The following GRIN2B variants were observed in gnomAD, a reference collection of about 807,000 sequenced individuals.
GRIN2B encodes the protein glutamate ionotropic receptor NMDA type subunit 2B.
GRIN2B carries 5 observed loss-of-function variants against 114.5 expected under a neutral mutation model. That is an observed-to-expected ratio of 0.04 (90% CI 0.02 to 0.09). The LOEUF is 0.09. GRIN2B is among the 10% of genes least tolerant of loss of function. The pLI is 1.00. For synonymous variants in GRIN2B, 787 were observed against 745.1 expected (o/e 1.06, Z -0.92); for missense variants, 1,108 against 1,943.5 (o/e 0.57, Z 8.08).
chr12:13,629,301 G>A (rs1424788231), intron 5 of GRIN2B, among the ~76,000 whole-genome samples: 1 of 152,198 alleles, frequency 6.6e-6, no homozygotes, highest in East Asian at 1.9e-4. Flanking sequence ...CCCAAACTAG[G>A]ATATCCAAGG....
intron 2 of GRIN2B, among the ~76,000 whole-genome samples, chr12:13,937,106 G>GAAAA (rs532435483): frequency 1.4e-5 from 2 of 141,374 alleles, no homozygotes; most frequent in African/African-American, 2.6e-5. Flanking sequence ...AGGGGGGGGG[G>GAAAA]AAGATTGAAG....
At chr12:13,760,736 T>C (rs1242523554) in intron 3 of GRIN2B, among the ~76,000 whole-genome samples, 1 of 152,178 alleles carries the variant, frequency 6.6e-6, no homozygotes, top group Admixed American at 6.5e-5. Context: ...TTCTGAGTAC[T>C]CCATCTTCAC....
chr12:13,794,454 C>T (rs1322433871), intron 3 of GRIN2B, among the ~76,000 whole-genome samples: 1 of 152,202 alleles, frequency 6.6e-6, no homozygotes, highest in Non-Finnish European at 1.5e-5. Flanking sequence ...ATCACCAGAA[C>T]ACACTATCAT....
chr12:13,614,999 A>G, intron 8 of GRIN2B, 115 bp downstream of exon 8: 5 of 911,726 alleles, frequency 5.5e-6, no homozygotes, highest in Non-Finnish European at 9.2e-6. Context: ...GGCTGAGTTG[A>G]GCTCCTAGCA....
intron 2 of GRIN2B, among the ~76,000 whole-genome samples, chr12:13,965,408 C>T (rs1003598079): frequency 1.3e-5 from 2 of 152,202 alleles, no homozygotes; most frequent in African/African-American, 4.8e-5. Flanking sequence ...TGGCCCTGCA[C>T]TGGCCACTTC....
At chr12:13,932,925 T>C (rs980835824) in intron 2 of GRIN2B, among the ~76,000 whole-genome samples, 3 of 151,800 alleles carry the variant, frequency 2.0e-5, no homozygotes, top group Non-Finnish European at 4.4e-5. Flanking sequence ...AATGGTAAAC[T>C]GTTGTTTGCA....
chr12:13,852,262 A>G (rs1423345579), intron 3 of GRIN2B, among the ~76,000 whole-genome samples: 1 of 151,972 alleles, frequency 6.6e-6, no homozygotes, highest in African/African-American at 2.4e-5. Context: ...CAGTGCCACC[A>G]CCCCACTTTG....
chr12:13,870,536 A>C (rs1865888421), intron 2 of GRIN2B, among the ~76,000 whole-genome samples: 2 of 152,174 alleles, frequency 1.3e-5, no homozygotes, highest in African/African-American at 4.8e-5. Flanking sequence ...CTCAAAGGGA[A>C]GATACATCTG....
rs1565444927 is a variant in GRIN2B, at chr12:13,547,983, T to TATATATA, written c.*14799_*14800insTATATAT. On this transcript the variant is annotated 3_prime_UTR_variant, in exon 14 of 14. Transcript: ENST00000609686. Reference sequence around the variant, plus strand: ...TGTATATATATATATATATATATATTTTTTTTTTTTTTCTGAAAGCTACAG... The same window carrying TATATATA: ...TGTATATATATATATATATATATATTATATATATTTTTTTTTTTTCTGAAAGCTACAG... The TATATATA allele has an allele frequency of 7.6e-4, 58 of 76,690 alleles. 1 individual carries two copies. The highest frequency in any genetic ancestry group is 3.5e-3 in the African/African-American group (57 of 16,178). The allele number at this position is 76,690 out of a possible 1,614,324, so 4.8% of individuals were successfully genotyped here. A position where few individuals can be genotyped will look rare whatever the true frequency, so the allele number is the denominator to read the frequency against.
At chr12:13,585,102 A>C (rs1455214168) in intron 10 of GRIN2B, among the ~76,000 whole-genome samples, 1 of 152,198 alleles carries the variant, frequency 6.6e-6, no homozygotes, top group Non-Finnish European at 1.5e-5. Context: ...CAGCTCATAA[A>C]ATTTTGGAGG....
At chr12:13,620,118 C>T (rs746816730) in intron 5 of GRIN2B, among the ~76,000 whole-genome samples, 1 of 152,164 alleles carries the variant, frequency 6.6e-6, no homozygotes, top group Admixed American at 6.5e-5. Flanking sequence ...CTCACAGAGA[C>T]CCTCATTTTG....
intron 3 of GRIN2B, among the ~76,000 whole-genome samples, chr12:13,766,265 G>T (rs1863786481): frequency 6.6e-6 from 1 of 152,204 alleles, no homozygotes; most frequent in Non-Finnish European, 1.5e-5. Flanking sequence ...TATTGACGAT[G>T]TTCCTTAAAT....
At chr12:13,807,066 C>A (rs1171400405) in intron 3 of GRIN2B, among the ~76,000 whole-genome samples, 1 of 152,030 alleles carries the variant, frequency 6.6e-6, no homozygotes, top group African/African-American at 2.4e-5. Flanking sequence ...AGGTCCATCA[C>A]AATGTTACTG....
chr12:13,878,378 C>T (rs1866022783), intron 2 of GRIN2B, among the ~76,000 whole-genome samples: 1 of 152,212 alleles, frequency 6.6e-6, no homozygotes, highest in Non-Finnish European at 1.5e-5. Context: ...TCAGAAATTG[C>T]TCCCACCTTC....
At chr12:13,639,759 C>G (rs964572441) in intron 5 of GRIN2B, among the ~76,000 whole-genome samples, 1 of 152,100 alleles carries the variant, frequency 6.6e-6, no homozygotes, top group African/African-American at 2.4e-5. Flanking sequence ...TTTATTTCCT[C>G]TCTTTCTTAC....
At chr12:13,950,298 C>A (rs1867457941) in intron 2 of GRIN2B, among the ~76,000 whole-genome samples, 1 of 152,166 alleles carries the variant, frequency 6.6e-6, no homozygotes, top group South Asian at 2.1e-4. Flanking sequence ...GAGACCCCAG[C>A]CCAGGCTCAG....
At chr12:13,970,620 T>G (rs1423872757) in intron 2 of GRIN2B, among the ~76,000 whole-genome samples, 1 of 151,544 alleles carries the variant, frequency 6.6e-6, no homozygotes, top group African/African-American at 2.4e-5. Context: ...ATTAATAAAT[T>G]TGATCACTTT....
rs886041095 is a variant in GRIN2B, at chr12:13,571,930, C to T, written c.2045G>A (p.Arg682His). ...QRPNDFSPPF[R>H]FGTVPNGSTE... is the part of the protein sequence containing the mutation. ...GCTGCCGTTGGGCACGGTCCCAAAG[C>T]GGAAAGGGGGTGAGAAGTCATTAGG... The change falls in exon 11 of 14, where the codon CGC (arginine) becomes CAC (histidine). Residue 682 changes from arginine (R) to histidine (H), a missense_variant. This residue lies in a region of GRIN2B where 10 missense variants were observed against 17.4 expected (regional missense o/e 0.57). Transcript: ENST00000609686. 2 of 1,613,390 alleles carry T rather than the reference C, an allele frequency of 1.2e-6. No homozygotes were observed. The highest frequency in any genetic ancestry group is 8.5e-7 in the Non-Finnish European group (1 of 1,179,844).
intron 2 of GRIN2B, among the ~76,000 whole-genome samples, chr12:13,901,070 T>C (rs1866443396): frequency 1.3e-5 from 2 of 152,168 alleles, no homozygotes; most frequent in South Asian, 4.1e-4. Flanking sequence ...AACAATTTTT[T>C]CAAATTGGGC....
Sources: gnomAD v4.1 joint callset for allele counts (sites outside exome capture counted in the v4.1 genomes callset) on GRCh38, gnomAD v4.1.1 for gene constraint, gnomAD v4.1.1 regional missense constraint, MANE v1.5 for transcripts, NCBI Gene and HGNC (gene_info 2026-07-23, HGNC 2026-07-21) for gene names.